OR10K1: variants seen among roughly 807,000 people sequenced by gnomAD.
OR10K1 encodes olfactory receptor family 10 subfamily K member 1, also known as olfactory receptor 10K1.
For synonymous variants in OR10K1, 186 were observed against 152.5 expected (o/e 1.22, Z -1.62); for missense variants, 404 against 373.3 (o/e 1.08, Z -0.68).
chr1:158,462,299 C>T (rs1655936997), intron 1 of OR10K1, among the ~76,000 whole-genome samples: 1 of 149,886 alleles, frequency 6.7e-6, no homozygotes, highest in Admixed American at 6.6e-5. Context: ...AAAAAATTAT[C>T]TGAATTGTTC....
intron 1 of OR10K1, among the ~76,000 whole-genome samples, chr1:158,463,175 G>T (rs1655961592): frequency 2.6e-5 from 4 of 151,718 alleles, no homozygotes; most frequent in African/African-American, 9.7e-5. Context: ...AGTCACAGAA[G>T]ACTAGACCTG....
intron 1 of OR10K1, among the ~76,000 whole-genome samples, chr1:158,462,915 C>T (rs563802851): frequency 6.2e-4 from 94 of 152,220 alleles, no homozygotes; most frequent in South Asian, 8.3e-4. Flanking sequence ...TCTATTCATA[C>T]GTTCTAAAAT....
In OR10K1 at chr1:158,466,531, T is replaced by C; in HGVS notation, c.*28T>C. ...AGCTATTTTTTAAACTACTAATGCC[T>C]AGTACATGCCAGGCAGAACGTGTGT... On this transcript the variant is annotated 3_prime_UTR_variant, in exon 2 of 2. Coordinates refer to ENST00000641535, the MANE Select transcript of OR10K1 (RefSeq NM_001004473.2). 1 of 1,365,586 alleles carries C rather than the reference T, an allele frequency of 7.3e-7. No individual in the cohort carries two copies. The highest frequency in any genetic ancestry group is 1.0e-6 in the Non-Finnish European group (1 of 957,148). The allele number at this position is 1,365,586 out of a possible 1,614,324, so 84.6% of individuals were successfully genotyped here. A position where few individuals can be genotyped will look rare whatever the true frequency, so the allele number is the denominator to read the frequency against.
Position 158,465,407 on chromosome 1 carries a change from A to G in OR10K1, c.-155A>G, listed in dbSNP as rs1435849744. ...TATTTTGCCTAATTCTTCTTTTAGCAGGCATTTTAATGGGGGAATGAAGAA... is the reference window on the plus strand; with the variant it reads ...TATTTTGCCTAATTCTTCTTTTAGCGGGCATTTTAATGGGGGAATGAAGAA... On this transcript the variant is annotated splice_region_variant and 5_prime_UTR_variant, in exon 2 of 2. Coordinates refer to ENST00000641535, the MANE Select transcript of OR10K1 (RefSeq NM_001004473.2). 12 of 644,208 alleles carry G rather than the reference A, an allele frequency of 1.9e-5. No homozygotes were observed. Among genetic ancestry groups the G allele is most frequent in the Non-Finnish European group, 3.2e-5 (12 of 370,254 alleles). 39.9% of individuals were successfully genotyped at this position (644,208 alleles called of 1,614,324 possible).
intron 1 of OR10K1, among the ~76,000 whole-genome samples, chr1:158,462,609 A>T (rs1167060215): frequency 1.3e-5 from 2 of 152,166 alleles, no homozygotes; most frequent in African/African-American, 4.8e-5. Flanking sequence ...CAATCTGGAG[A>T]AATTAAAGAT....
At chr1:158,464,228 C>A (rs1482854708) in intron 1 of OR10K1, among the ~76,000 whole-genome samples, 2 of 152,000 alleles carry the variant, frequency 1.3e-5, no homozygotes, top group Admixed American at 6.6e-5. Flanking sequence ...GCTTTTTTTA[C>A]TTATTAGGTT....
Position 158,465,549 on chromosome 1 carries a change from A to T in OR10K1, c.-13A>T, listed in dbSNP as rs374448229. The stretch of plus-strand genomic sequence containing the variant: ...ACCTCTGTCCCTGACTCTCCTTTAT[A>T]GAAGTGCTCTCCATGGAGCAAGTCA... On this transcript the variant is annotated 5_prime_UTR_variant, in exon 2 of 2. An upstream open reading frame in the 5' UTR loses its in-frame stop. Coordinates refer to ENST00000641535, the MANE Select transcript of OR10K1 (RefSeq NM_001004473.2). The T allele has an allele frequency of 1.2e-6, 2 of 1,605,382 alleles. No individual in the cohort carries two copies. Among genetic ancestry groups the T allele is most frequent in the South Asian group, 2.2e-5 (2 of 90,618 alleles).
rs79069324 is a variant in OR10K1, at chr1:158,466,965, C to T, written c.*462C>T. 0.029 allele frequency: 4,441 copies of T among 153,594 alleles called. 210 individuals carry two copies. Among genetic ancestry groups the T allele is most frequent in the African/African-American group, 0.1 (4,136 of 41,456 alleles). 9.5% of individuals were successfully genotyped at this position (153,594 alleles called of 1,614,324 possible). On this transcript the variant is annotated 3_prime_UTR_variant, in exon 2 of 2. Transcript: ENST00000641535. ...GACAACAGAAAACTTTGGTCCCACA[C>T]ATTCTGCTACAAATCTTGGTGGTCC... is the stretch of plus-strand genomic sequence containing the variant.
At position 158,467,434 on chromosome 1, in the gene OR10K1, T is replaced by C. The variant is rs1373185739; in HGVS notation, c.*931T>C. The C allele has an allele frequency of 6.6e-6, 1 of 152,198 alleles. No individual in the cohort carries two copies. Among genetic ancestry groups the C allele is most frequent in the Non-Finnish European group, 1.5e-5 (1 of 68,034 alleles). 9.4% of individuals were successfully genotyped at this position (152,198 alleles called of 1,614,324 possible). On this transcript the variant is annotated 3_prime_UTR_variant, in exon 2 of 2. Transcript: ENST00000641535. ...ATTTTGTTATTCTCCATTTTCTATA[T>C]GCCTTTTGTACACTCTGAAGCTAAC... is the stretch of plus-strand genomic sequence containing the variant.
In OR10K1 at chr1:158,465,625, A is replaced by G. The variant is rs202115751; in HGVS notation, c.64A>G (p.Arg22Gly). The G allele has an allele frequency of 6.2e-7, 1 of 1,614,100 alleles. No homozygotes were observed. Among genetic ancestry groups the G allele is most frequent in the Non-Finnish European group, 8.5e-7 (1 of 1,180,002 alleles). ...CGTCCTCGGCTTCTCATCCCTGGCC[A>G]GGCTGCAGCAGCTGCTCTTTGTTAT... Reference protein sequence around the residue: ...FVVLGFSSLARLQQLLFVIFL... With the variant: ...FVVLGFSSLAGLQQLLFVIFL... Residue 22 changes from arginine (R) to glycine (G), a missense_variant, in exon 2 of 2, where the codon AGG (arginine) becomes GGG (glycine). Transcript: ENST00000641535.
In OR10K1 at chr1:158,466,668, CATG is replaced by C; in HGVS notation, c.*168_*170del. The C allele has an allele frequency of 1.7e-6, 1 of 605,662 alleles. No individual in the cohort carries two copies. Among genetic ancestry groups the C allele is most frequent in the Non-Finnish European group, 2.9e-6 (1 of 342,306 alleles). 37.5% of individuals were successfully genotyped at this position (605,662 alleles called of 1,614,324 possible). ...TAAGACAGTCTGGCTTTCTACTCTC[CATG>C]ATACTTTAACAAGACTAATCAGATA... On this transcript the variant is annotated 3_prime_UTR_variant, in exon 2 of 2. Coordinates refer to ENST00000641535, the MANE Select transcript of OR10K1 (RefSeq NM_001004473.2).
At position 158,464,589 on chromosome 1, in the gene OR10K1, T is replaced by C. The variant is rs141838286; in HGVS notation, c.-156-817T>C. 1.4e-3 allele frequency among the ~76,000 whole-genome samples: 215 copies of C among 152,324 alleles called. 1 individual carries two copies. Among genetic ancestry groups the C allele is most frequent in the Middle Eastern group, 6.8e-3 (2 of 294 alleles). On this transcript the variant is annotated intron_variant, in intron 1 of 1. Coordinates refer to ENST00000641535, the MANE Select transcript of OR10K1 (RefSeq NM_001004473.2). ...TTTACCACCCTGGTGACTATTCTCT[T>C]CCTGAAAGAAGAATTTTTTTCTTTA...
chr1:158,465,946 C>A lies in OR10K1; in HGVS notation c.385C>A (p.Pro129Thr). 1.2e-6 allele frequency: 2 copies of A among 1,614,158 alleles called. No individual in the cohort carries two copies. The highest frequency in any genetic ancestry group is 8.5e-7 in the Non-Finnish European group (1 of 1,180,024). The change falls in exon 2 of 2, where the codon CCA becomes ACA. Residue 129 changes from proline to threonine, a missense_variant. Physicochemically the swap from Pro to Thr is conservative, Grantham distance 38. Coordinates refer to ENST00000641535, the MANE Select transcript of OR10K1 (RefSeq NM_001004473.2). Reference sequence around the variant, plus strand: ...TGATCGCTATATGGCCATCTGTAACCCACTGCGCTACTCAGTGCTCATGGG... The same window carrying A: ...TGATCGCTATATGGCCATCTGTAACACACTGCGCTACTCAGTGCTCATGGG... Reference protein sequence around the residue: ...GYDRYMAICNPLRYSVLMGHG... With the variant: ...GYDRYMAICNTLRYSVLMGHG...
intron 1 of OR10K1, 48 bp downstream of exon 1, chr1:158,461,952 A>C (rs1308693996): frequency 6.6e-6 from 1 of 152,110 alleles, no homozygotes; most frequent in African/African-American, 2.4e-5. Flanking sequence ...CTTTCACTGA[A>C]CTTACTAAGA....
At chr1:158,463,286 T>A (rs760278749) in intron 1 of OR10K1, among the ~76,000 whole-genome samples, 2 of 152,186 alleles carry the variant, frequency 1.3e-5, no homozygotes, top group Non-Finnish European at 2.9e-5. Context: ...TGGTCTTAAG[T>A]CTTTCTATCA....
chr1:158,462,971 G>C (rs531153729), intron 1 of OR10K1, among the ~76,000 whole-genome samples: 1 of 152,244 alleles, frequency 6.6e-6, no homozygotes, highest in African/African-American at 2.4e-5. Context: ...GAGAGTCTTT[G>C]ATTCTCTGAG....
In OR10K1 at chr1:158,465,729, T is replaced by C. The variant is rs371933530; in HGVS notation, c.168T>C (p.His56=). The C allele has an allele frequency of 2.6e-5, 42 of 1,614,082 alleles. No individual in the cohort carries two copies. The highest frequency in any genetic ancestry group is 4.5e-5 in the East Asian group (2 of 44,894). The part of the protein sequence containing the change: ...ISTIVLDRAL[H]TPMYFFLAIL... ...CCATTGTGCTGGACAGAGCCCTTCA[T>C]ACTCCCATGTACTTCTTCCTTGCCA... Residue 56 remains histidine (H), a synonymous_variant, in exon 2 of 2, where the codon CAT becomes CAC. Coordinates refer to ENST00000641535, the MANE Select transcript of OR10K1 (RefSeq NM_001004473.2).
At position 158,465,488 on chromosome 1, in the gene OR10K1, G is replaced by C; in HGVS notation, c.-74G>C. On this transcript the variant is annotated 5_prime_UTR_variant, in exon 2 of 2. Transcript: ENST00000641535. ...CTGCAAACTTTGTGTGAAATTTCCC[G>C]TACATTTCCACTCTCCTTTCTGGAT... 8.6e-7 allele frequency: 1 copy of C among 1,164,822 alleles called. No homozygotes were observed. Among genetic ancestry groups the C allele is most frequent in the South Asian group, 1.5e-5 (1 of 67,256 alleles). The allele number at this position is 1,164,822 out of a possible 1,614,324, so 72.2% of individuals were successfully genotyped here. A position where few individuals can be genotyped will look rare whatever the true frequency, so the allele number is the denominator to read the frequency against.
At chr1:158,464,141 A>T (rs1655984880) in intron 1 of OR10K1, among the ~76,000 whole-genome samples, 1 of 152,222 alleles carries the variant, frequency 6.6e-6, no homozygotes, top group Admixed American at 6.5e-5. Context: ...AGACAAAATG[A>T]TGTAGTAACT....
Sources: gnomAD v4.1 joint callset for allele counts (sites outside exome capture counted in the v4.1 genomes callset) on GRCh38, gnomAD v4.1.1 for gene constraint, MANE v1.5 for transcripts, NCBI Gene and HGNC (gene_info 2026-07-23, HGNC 2026-07-21) for gene names.